The following TMC1 variants were observed in gnomAD, a reference collection of about 807,000 sequenced individuals.
TMC1 encodes transmembrane channel like 1, also known as transmembrane channel-like protein 1.
A neutral mutation model predicts 105.8 loss-of-function variants in TMC1; 84 were observed. The ratio of observed to expected loss-of-function variants is 0.79; its 90% confidence interval spans 0.67 to 0.95. The LOEUF is 0.95. Ranked by LOEUF, TMC1 falls within the 40% of genes least tolerant of loss-of-function variation. TMC1 has a pLI of 0.00. For missense variants in TMC1, 817 were observed against 914.1 expected (o/e 0.89, Z 1.37); for synonymous variants, 315 against 311.5 (o/e 1.01, Z -0.12).
chr9:72,701,549 TA>T (rs1826646582), intron 8 of TMC1, among the ~76,000 whole-genome samples: 1 of 152,190 alleles, frequency 6.6e-6, no homozygotes, highest in Non-Finnish European at 1.5e-5. Context: ...TAGTAAGTTT[TA>T]AAAACTATCC....
intron 4 of TMC1, 81 bp downstream of exon 4, chr9:72,628,144 G>A (rs1376506489): frequency 4.0e-5 from 18 of 453,728 alleles, no homozygotes; most frequent in East Asian, 6.9e-5. Context: ...GTTTAATCAC[G>A]CAGGATTGTA....
chr9:72,601,776 A>G (rs1824820294), intron 2 of TMC1, among the ~76,000 whole-genome samples: 1 of 152,192 alleles, frequency 6.6e-6, no homozygotes, highest in Non-Finnish European at 1.5e-5. Context: ...CTGGGCCTTC[A>G]AGGTTAGAAT....
chr9:72,788,664 A>G (rs1828210985), intron 14 of TMC1, among the ~76,000 whole-genome samples, 181 bp downstream of exon 14: 1 of 152,160 alleles, frequency 6.6e-6, no homozygotes. Context: ...ATGACCCACA[A>G]CAGCACTATT....
At chr9:72,600,903 C>T (rs1824799270) in intron 2 of TMC1, among the ~76,000 whole-genome samples, 1 of 152,214 alleles carries the variant, frequency 6.6e-6, no homozygotes, top group African/African-American at 2.4e-5. Context: ...ACTGGCATTT[C>T]TGACAAGTTC....
intron 7 of TMC1, among the ~76,000 whole-genome samples, chr9:72,698,248 A>C (rs189658472): frequency 6.6e-6 from 1 of 152,300 alleles, no homozygotes; most frequent in Admixed American, 6.5e-5. Context: ...AAAATGTTTG[A>C]ATTGTCCAAA....
At chr9:72,689,852 T>C (rs959777467) in intron 6 of TMC1, among the ~76,000 whole-genome samples, 1 of 152,138 alleles carries the variant, frequency 6.6e-6, no homozygotes, top group African/African-American at 2.4e-5. Context: ...AGTGAATCTT[T>C]TATAGTTAGC....
intron 2 of TMC1, among the ~76,000 whole-genome samples, chr9:72,593,612 G>C (rs1824672313): frequency 6.6e-6 from 1 of 151,376 alleles, no homozygotes; most frequent in African/African-American, 2.4e-5. Flanking sequence ...GGCTGGTCTT[G>C]AACGCCCGAT....
At chr9:72,796,466 A>G (rs1828370894) in intron 17 of TMC1, among the ~76,000 whole-genome samples, 1 of 152,196 alleles carries the variant, frequency 6.6e-6, no homozygotes, top group Non-Finnish European at 1.5e-5. Context: ...CAATTCAAAA[A>G]TCTTCAACAA....
rs1481838404 is a variant in TMC1 at position 72,626,926 on chromosome 9, A to G, written c.-195-995A>G. Among the ~76,000 whole-genome samples the G allele has an allele frequency of 2.0e-5, 3 of 151,892 alleles. No individual in the cohort carries two copies. In the East Asian group the frequency reaches 5.8e-4, roughly 29 times the overall value. On this transcript the variant is annotated intron_variant, in intron 3 of 23. Coordinates refer to ENST00000297784, the MANE Select transcript of TMC1 (RefSeq NM_138691.3). ...ACCATCACATCACATCACATCACAAACCCAACAATTCCACAATAGCATGGG... is the reference window on the plus strand; with the variant it reads ...ACCATCACATCACATCACATCACAAGCCCAACAATTCCACAATAGCATGGG...
intron 5 of TMC1, among the ~76,000 whole-genome samples, chr9:72,661,788 G>C (rs978902240): frequency 1.3e-5 from 2 of 152,074 alleles, no homozygotes; most frequent in South Asian, 2.1e-4. Context: ...ATTTTGTTAG[G>C]TTGCAAATCT....
chr9:72,671,060 T>G (rs1050430429), intron 5 of TMC1, among the ~76,000 whole-genome samples: 27 of 152,272 alleles, frequency 1.8e-4, no homozygotes, highest in African/African-American at 6.0e-4. Context: ...TTAATATAAG[T>G]GTTATGTGAC....
intron 8 of TMC1, among the ~76,000 whole-genome samples, chr9:72,737,807 T>G (rs1827324336): frequency 1.3e-5 from 2 of 152,238 alleles, no homozygotes; most frequent in Admixed American, 1.3e-4. Flanking sequence ...TTTTAATTTT[T>G]GCCATTGCTT....
rs183380103 is a variant in TMC1, at chr9:72,534,187, T to A, written c.-428+12274T>A. ...CAATAAAAATAAATAAAGACAATTT[T>A]AAAAATTTCCCAACATTAAGTGTCA... On this transcript the variant is annotated intron_variant, in intron 1 of 23. Transcript: ENST00000297784. 1.8e-3 allele frequency among the ~76,000 whole-genome samples: 269 copies of A among 152,266 alleles called. 2 individuals are homozygous for A. The highest frequency in any genetic ancestry group is 6.3e-3 in the African/African-American group (260 of 41,552).
chr9:72,689,233 A>G (rs921792359), intron 6 of TMC1, among the ~76,000 whole-genome samples: 1 of 152,080 alleles, frequency 6.6e-6, no homozygotes, highest in African/African-American at 2.4e-5. Flanking sequence ...CTCTCTAAGC[A>G]TGCATTTCTT....
intron 18 of TMC1, among the ~76,000 whole-genome samples, chr9:72,814,994 G>A (rs2118280243): frequency 6.7e-6 from 1 of 148,704 alleles, no homozygotes; most frequent in South Asian, 2.2e-4. Context: ...AAGCACACCT[G>A]GAGATAATAA....
At chr9:72,566,359 A>G (rs1369664588) in intron 1 of TMC1, among the ~76,000 whole-genome samples, 1 of 151,900 alleles carries the variant, frequency 6.6e-6, no homozygotes, top group Non-Finnish European at 1.5e-5. Context: ...ATCATCCACT[A>G]TCTGCCGTCA....
chr9:72,806,935 C>A (rs1378183009), intron 18 of TMC1, among the ~76,000 whole-genome samples: 1 of 152,120 alleles, frequency 6.6e-6, no homozygotes, highest in Non-Finnish European at 1.5e-5. Flanking sequence ...GAGGTTGTAG[C>A]GAGCCGAGAT....
At chr9:72,522,601 TCA>T (rs1823332081) in intron 1 of TMC1, among the ~76,000 whole-genome samples, 1 of 152,166 alleles carries the variant, frequency 6.6e-6, no homozygotes, top group Non-Finnish European at 1.5e-5. Context: ...GGAGGAAGTG[TCA>T]AAGACTGATG....
chr9:72,789,361 G>A (rs1329831954), intron 15 of TMC1, 44 bp downstream of exon 15: 1 of 1,584,370 alleles, frequency 6.3e-7, no homozygotes, highest in Admixed American at 1.7e-5. Flanking sequence ...CCTGACATTT[G>A]TTTCTTTTGT....
Sources: allele counts gnomAD v4.1 joint callset (sites outside exome capture counted in the v4.1 genomes callset), GRCh38; gene constraint gnomAD v4.1.1; transcripts MANE v1.5; gene names NCBI Gene and HGNC (gene_info 2026-07-23, HGNC 2026-07-21).